Variants in IMMP2L observed in about 807,000 individuals in gnomAD.
IMMP2L encodes the protein mitochondrial inner membrane protease subunit 2.
IMMP2L carries 18 observed loss-of-function variants against 19.3 expected under a neutral mutation model. That is an observed-to-expected ratio of 0.93 (90% CI 0.64 to 1.38). IMMP2L has a LOEUF of 1.38. Among genes scored for constraint, IMMP2L ranks in the 40% most tolerant of loss-of-function variants. The pLI, the probability that IMMP2L is intolerant of heterozygous loss-of-function variation, is 0.00. For missense variants in IMMP2L, 233 were observed against 218.2 expected, an observed-to-expected ratio of 1.07 and a Z score of -0.43; for synonymous variants, 76 against 73.0, an observed-to-expected ratio of 1.04 and a Z score of -0.21.
chr7:111,448,173 C>T (rs1174261459), intron 3 of IMMP2L, among the ~76,000 whole-genome samples: 7 of 129,928 alleles, frequency 5.4e-5, no homozygotes, highest in Non-Finnish European at 9.4e-5. Context: ...AACAAGGATA[C>T]CCAGGAATTG....
intron 3 of IMMP2L, among the ~76,000 whole-genome samples, chr7:111,257,691 T>C (rs1178483123): frequency 6.6e-6 from 1 of 152,132 alleles, no homozygotes; most frequent in Non-Finnish European, 1.5e-5. Flanking sequence ...ATTATAAGCT[T>C]AAACTAGCTT....
intron 4 of IMMP2L, among the ~76,000 whole-genome samples, chr7:110,893,650 G>C (rs1811043987): frequency 6.6e-6 from 1 of 152,062 alleles, no homozygotes; most frequent in South Asian, 2.1e-4. Flanking sequence ...TGATGCTGAG[G>C]TTTGAGATGT....
intron 3 of IMMP2L, among the ~76,000 whole-genome samples, chr7:111,410,387 C>T (rs1487552677): frequency 6.6e-6 from 1 of 151,340 alleles, no homozygotes. Flanking sequence ...GGGAGAGAGA[C>T]CATTTAAAAG....
chr7:111,254,025 G>C (rs1173750679), intron 3 of IMMP2L, among the ~76,000 whole-genome samples: 2 of 152,082 alleles, frequency 1.3e-5, no homozygotes, highest in African/African-American at 4.8e-5. Context: ...ACTCCACATA[G>C]TGCAAGGCCA....
intron 5 of IMMP2L, among the ~76,000 whole-genome samples, chr7:110,816,591 G>T (rs1163675737): frequency 5.3e-5 from 8 of 151,590 alleles, no homozygotes; most frequent in South Asian, 2.1e-4. Flanking sequence ...TTATTATTGT[G>T]TGGGAGTCTA....
chr7:111,174,253 T>C (rs1170896480), intron 3 of IMMP2L, among the ~76,000 whole-genome samples: 1 of 151,626 alleles, frequency 6.6e-6, no homozygotes, highest in Non-Finnish European at 1.5e-5. Context: ...ACATAGTTAA[T>C]CTCAATGCAT....
intron 3 of IMMP2L, among the ~76,000 whole-genome samples, chr7:111,241,873 T>C (rs545914745): frequency 2.5e-4 from 38 of 152,022 alleles, no homozygotes; most frequent in African/African-American, 8.4e-4. Context: ...TTACAGTCAA[T>C]GAAAAGAGAT....
chr7:110,971,494 G>C (rs928483877), intron 3 of IMMP2L, among the ~76,000 whole-genome samples: 2 of 152,066 alleles, frequency 1.3e-5, no homozygotes, highest in African/African-American at 4.8e-5. Context: ...TGCCAGCAAG[G>C]AAAGGTGTCC....
intron 5 of IMMP2L, among the ~76,000 whole-genome samples, chr7:110,814,441 A>C (rs891117457): frequency 5.3e-5 from 8 of 150,910 alleles, no homozygotes; most frequent in African/African-American, 1.9e-4. Flanking sequence ...AAAAAAAAAA[A>C]CTATATAGTA....
chr7:111,537,404 A>G (rs890392481), intron 1 of IMMP2L, among the ~76,000 whole-genome samples: 1 of 151,884 alleles, frequency 6.6e-6, no homozygotes, highest in Admixed American at 6.6e-5. Context: ...AATAGAAATC[A>G]TCCTAACTTT....
chr7:110,893,849 A>C (rs930165049), intron 4 of IMMP2L, among the ~76,000 whole-genome samples: 1 of 152,214 alleles, frequency 6.6e-6, no homozygotes. Flanking sequence ...TATTTTTAAA[A>C]GGAAAAAATG....
intron 3 of IMMP2L, among the ~76,000 whole-genome samples, chr7:111,219,859 T>A (rs1812333649): frequency 6.6e-6 from 1 of 152,004 alleles, no homozygotes; most frequent in Non-Finnish European, 1.5e-5. Context: ...AAATGAGGTA[T>A]CCATAAGCAA....
intron 3 of IMMP2L, among the ~76,000 whole-genome samples, chr7:111,290,700 T>C (rs1363050493): frequency 5.3e-5 from 8 of 151,972 alleles, no homozygotes; most frequent in Non-Finnish European, 5.9e-5. Flanking sequence ...CTGATGAATC[T>C]ATTGCAAATT....
At chr7:110,963,004 T>G in intron 4 of IMMP2L, 1 of 1,499,628 alleles carries the variant, frequency 6.7e-7, no homozygotes, top group East Asian at 2.5e-5. Context: ...AAACACCTGA[T>G]TGTTACAATC....
chr7:111,072,521 A>C lies in IMMP2L; in HGVS notation c.240-108956T>G, dbSNP rs1761266375. Among the ~76,000 whole-genome samples, 6 of 151,628 alleles carry C rather than the reference A, an allele frequency of 4.0e-5. No homozygotes were observed. In the South Asian group the frequency reaches 1.3e-3, roughly 32 times the overall value. On this transcript the variant is annotated intron_variant, in intron 3 of 5. Coordinates refer to ENST00000405709, the MANE Select transcript of IMMP2L (RefSeq NM_032549.4). ...GCATGAGGAAATATCAGAAAAACCCAAAAATAAAAGACATTCCACAAAACT... is the reference window on the plus strand; with the variant it reads ...GCATGAGGAAATATCAGAAAAACCCCAAAATAAAAGACATTCCACAAAACT...
intron 3 of IMMP2L, among the ~76,000 whole-genome samples, chr7:111,252,734 A>C (rs1414359418): frequency 6.6e-6 from 1 of 152,174 alleles, no homozygotes; most frequent in African/African-American, 2.4e-5. Context: ...CATAATATGC[A>C]AATAATTATG....
chr7:110,788,862 T>G (rs1359202787), intron 5 of IMMP2L, among the ~76,000 whole-genome samples: 1 of 151,738 alleles, frequency 6.6e-6, no homozygotes, highest in Non-Finnish European at 1.5e-5. Flanking sequence ...CTATCCTTGA[T>G]TCCGTGTGAA....
At chr7:110,745,775 C>T (rs563798354) in intron 5 of IMMP2L, among the ~76,000 whole-genome samples, 52 of 152,242 alleles carry the variant, frequency 3.4e-4, no homozygotes, top group Admixed American at 7.8e-4. Flanking sequence ...AAGGAACAAC[C>T]AGCACCAGCC....
At chr7:111,489,138 G>A (rs993517718) in intron 2 of IMMP2L, among the ~76,000 whole-genome samples, 7 of 149,910 alleles carry the variant, frequency 4.7e-5, no homozygotes, top group Admixed American at 1.3e-4. Context: ...CCGCCTCCCG[G>A]GTTCATGCCA....
Sources: gnomAD v4.1 joint callset for allele counts (sites outside exome capture counted in the v4.1 genomes callset) on GRCh38, gnomAD v4.1.1 for gene constraint, MANE v1.5 for transcripts, NCBI Gene and HGNC (gene_info 2026-07-23, HGNC 2026-07-21) for gene names.